DISC1: variants seen among roughly 807,000 people sequenced by gnomAD.
DISC1 encodes the protein disrupted in schizophrenia 1 protein.
DISC1 carries 57 observed loss-of-function variants against 84.5 expected under a neutral mutation model. The observed-to-expected ratio is 0.67, with a 90% CI of 0.55 to 0.84. The LOEUF is 0.84. DISC1 is among the 40% of genes least tolerant of loss of function. DISC1 has a pLI of 0.00. For missense variants in DISC1, 1,000 were observed against 1,057.8 expected, an observed-to-expected ratio of 0.95 and a Z score of 0.76; for synonymous variants, 411 against 415.2, an observed-to-expected ratio of 0.99 and a Z score of 0.12.
chr1:231,951,655 C>T (rs1025893902), intron 9 of DISC1, among the ~76,000 whole-genome samples: 4 of 152,158 alleles, frequency 2.6e-5, no homozygotes, highest in African/African-American at 9.7e-5. Flanking sequence ...TATTAGTCAT[C>T]TATTGATGTG....
At chr1:231,856,953 A>G (rs1423507563) in intron 9 of DISC1, among the ~76,000 whole-genome samples, 1 of 152,206 alleles carries the variant, frequency 6.6e-6, no homozygotes, top group Non-Finnish European at 1.5e-5. Context: ...GGCAGCATGA[A>G]AAAAGGGGTC....
chr1:232,035,768 G>T (rs918797675), intron 12 of DISC1, among the ~76,000 whole-genome samples: 1 of 152,172 alleles, frequency 6.6e-6, no homozygotes, highest in East Asian at 1.9e-4. Context: ...CCTTAGAGTT[G>T]TTCTGACTAC....
In DISC1 at chr1:231,626,836, A is replaced by G; in HGVS notation, c.-32A>G. 1 of 1,424,338 alleles carries G rather than the reference A, an allele frequency of 7.0e-7. No homozygotes were observed. Among genetic ancestry groups the G allele is most frequent in the Non-Finnish European group, 9.1e-7 (1 of 1,099,060 alleles). The allele number at this position is 1,424,338 out of a possible 1,614,324, so 88.2% of individuals were successfully genotyped here. On this transcript the variant is annotated 5_prime_UTR_variant, in exon 1 of 13. Coordinates refer to ENST00000439617, the MANE Select transcript of DISC1 (RefSeq NM_018662.3). The stretch of plus-strand genomic sequence containing the variant: ...TCGGGGAAGGAGCAGGAGGCAGCCC[A>G]GGCGGAGCGGGAGGAGCTGGCAGCG...
At chr1:232,024,313 C>G (rs1394488486) in intron 11 of DISC1, among the ~76,000 whole-genome samples, 1 of 152,132 alleles carries the variant, frequency 6.6e-6, no homozygotes, top group Non-Finnish European at 1.5e-5. Context: ...CCAATATTTA[C>G]AAGTTATTTG....
At position 232,008,840 on chromosome 1, in the gene DISC1, T is replaced by C; in HGVS notation, c.2098T>C (p.Leu700=). 6.2e-7 allele frequency: 1 copy of C among 1,607,072 alleles called. No homozygotes were observed. Among genetic ancestry groups the C allele is most frequent in the Non-Finnish European group, 8.5e-7 (1 of 1,175,560 alleles). Reference sequence around the variant, plus strand: ...GGAAGCTGACTTGGAAGCTTGTCGATTGCTTATCCAGAGCCTACAGCTCCA... The same window carrying C: ...GGAAGCTGACTTGGAAGCTTGTCGACTGCTTATCCAGAGCCTACAGCTCCA... The part of the protein sequence containing the change: ...VWEADLEACR[L]LIQSLQLQEA... The change falls in exon 11 of 13, where the codon TTG becomes CTG. Residue 700 remains leucine (L), a synonymous_variant. Transcript: ENST00000439617.
At chr1:232,001,643 A>C (rs917811969) in intron 10 of DISC1, among the ~76,000 whole-genome samples, 14 of 152,238 alleles carry the variant, frequency 9.2e-5, no homozygotes, top group African/African-American at 3.4e-4. Context: ...AAGGAACAAT[A>C]GAATTTTTAA....
chr1:231,712,224 G>A (rs1455435551), intron 3 of DISC1, among the ~76,000 whole-genome samples: 1 of 152,176 alleles, frequency 6.6e-6, no homozygotes, highest in Non-Finnish European at 1.5e-5. Context: ...CAGTAAAACT[G>A]ATTTCAGACT....
At chr1:231,915,727 G>A (rs1246691220) in intron 9 of DISC1, among the ~76,000 whole-genome samples, 2 of 152,190 alleles carry the variant, frequency 1.3e-5, no homozygotes, top group African/African-American at 2.4e-5. Context: ...GCAGTGAGCT[G>A]AGATCACACT....
intron 12 of DISC1, among the ~76,000 whole-genome samples, chr1:232,036,383 C>T (rs1371122510): frequency 1.3e-5 from 2 of 152,188 alleles, no homozygotes; most frequent in African/African-American, 2.4e-5. Flanking sequence ...GTTATGGTCA[C>T]GCCAACTGCA....
intron 3 of DISC1, among the ~76,000 whole-genome samples, chr1:231,743,057 A>G (rs1435577201): frequency 6.6e-6 from 1 of 152,128 alleles, no homozygotes; most frequent in Non-Finnish European, 1.5e-5. Context: ...TACCATTTCC[A>G]GTGTTTAATT....
intron 9 of DISC1, among the ~76,000 whole-genome samples, chr1:231,902,770 G>A (rs2088290813): frequency 6.6e-6 from 1 of 152,120 alleles, no homozygotes; most frequent in South Asian, 2.1e-4. Context: ...TCCTTGATAT[G>A]TACACGTTGA....
Position 231,955,145 on chromosome 1 carries a change from G to A in DISC1, c.1982-3683G>A, listed in dbSNP as rs116836215. Among the ~76,000 whole-genome samples the A allele has an allele frequency of 3.0e-3, 460 of 152,184 alleles. 1 individual carries two copies. The highest frequency in any genetic ancestry group is 0.01 in the Middle Eastern group (3 of 294). Reference sequence around the variant, plus strand: ...GGTGGTGTGTCCATTTTTGTCCATCGGATAGAAGGTGCTATCACAATATAA... The same window carrying A: ...GGTGGTGTGTCCATTTTTGTCCATCAGATAGAAGGTGCTATCACAATATAA... On this transcript the variant is annotated intron_variant, in intron 9 of 12. Transcript: ENST00000439617.
intron 3 of DISC1, among the ~76,000 whole-genome samples, chr1:231,728,897 G>A (rs1302512284): frequency 1.3e-5 from 2 of 152,122 alleles, no homozygotes; most frequent in Non-Finnish European, 2.9e-5. Context: ...CAACGTGCAG[G>A]TTTGTTACAT....
In DISC1 at chr1:231,675,839, G is replaced by GTTTTTTTTTTTTTTT. The variant is rs2063090697; in HGVS notation, c.68-17981_68-17980insTTTTTTTTTTTTTTT. On this transcript the variant is annotated intron_variant, in intron 1 of 12. Coordinates refer to ENST00000439617, the MANE Select transcript of DISC1 (RefSeq NM_018662.3). This position sits in a 1 kb window ranked among gnomAD's most constrained non-coding sequence, Gnocchi z 4.1. Reference sequence around the variant, plus strand: ...TCTAGTCTGCTGGTATATTGTATTTGTTTTTTCTTTTCTTTTTTTTTTTTT... The same window carrying GTTTTTTTTTTTTTTT: ...TCTAGTCTGCTGGTATATTGTATTTGTTTTTTTTTTTTTTTTTTTTTCTTTTCTTTTTTTTTTTTT... Among the ~76,000 whole-genome samples, 1 of 145,086 alleles carries GTTTTTTTTTTTTTTT rather than the reference G, an allele frequency of 6.9e-6. No homozygotes were observed.
At chr1:231,685,700 C>T (rs1256400893) in intron 1 of DISC1, among the ~76,000 whole-genome samples, 2 of 152,146 alleles carry the variant, frequency 1.3e-5, no homozygotes, top group African/African-American at 2.4e-5. Flanking sequence ...ATCTGCCTGC[C>T]TCGGCCTCCC....
At chr1:231,933,521 T>G (rs923920874) in intron 9 of DISC1, among the ~76,000 whole-genome samples, 1 of 152,050 alleles carries the variant, frequency 6.6e-6, no homozygotes, top group African/African-American at 2.4e-5. Flanking sequence ...TTCTTTTCCC[T>G]CCACATGCCT....
chr1:231,821,435 T>C (rs1574079888), intron 9 of DISC1, among the ~76,000 whole-genome samples: 1 of 152,180 alleles, frequency 6.6e-6, no homozygotes, highest in African/African-American at 2.4e-5. Flanking sequence ...ACCGAATCCA[T>C]TGGCTTTTGT....
chr1:231,699,694 A>G (rs114273381), intron 2 of DISC1, among the ~76,000 whole-genome samples: 173 of 152,324 alleles, frequency 1.1e-3, no homozygotes, highest in African/African-American at 3.7e-3. Flanking sequence ...AACAGCAGCC[A>G]GAGTGAAACT....
intron 3 of DISC1, among the ~76,000 whole-genome samples, chr1:231,718,112 C>T (rs181628217): frequency 6.6e-6 from 1 of 152,266 alleles, no homozygotes; most frequent in African/African-American, 2.4e-5. Context: ...GTATCTCTTC[C>T]TTCTGTCCTT....
Sources: gnomAD v4.1 joint callset for allele counts (sites outside exome capture counted in the v4.1 genomes callset) on GRCh38, gnomAD v4.1.1 for gene constraint, Gnocchi (gnomAD v3.1) non-coding constraint, MANE v1.5 for transcripts, NCBI Gene and HGNC (gene_info 2026-07-23, HGNC 2026-07-21) for gene names.